Variants in APBA1 observed in about 807,000 individuals in gnomAD.
APBA1 encodes the protein amyloid-beta A4 precursor protein-binding family A member 1.
APBA1 carries 55 observed loss-of-function variants against 86.6 expected under a neutral mutation model. The ratio of observed to expected loss-of-function variants is 0.64; its 90% CI spans 0.51 to 0.80. APBA1 has a LOEUF of 0.80. Among genes scored for constraint, APBA1 ranks in the 30% least tolerant of loss-of-function variants. The probability of loss-of-function intolerance (pLI) is 0.00; values close to 1 mark genes in which losing one functional copy is unlikely to be tolerated. For synonymous variants in APBA1, 511 were observed against 493.9 expected (o/e 1.03, Z -0.46); for missense variants, 1,090 against 1,183.0 (o/e 0.92, Z 1.15).
At chr9:69,461,847 T>C (rs1044827787) in intron 5 of APBA1, 2 of 152,174 alleles carry the variant, frequency 1.3e-5, no homozygotes, top group African/African-American at 2.4e-5. Context: ...CTCTACCCCA[T>C]CCATTTTGAG....
chr9:69,550,746 C>T (rs1171803929), intron 1 of APBA1, among the ~76,000 whole-genome samples: 1 of 152,082 alleles, frequency 6.6e-6, no homozygotes, highest in Non-Finnish European at 1.5e-5. Context: ...GGTGAAGATA[C>T]AGGAGATGGG....
rs1052834234 is a variant in APBA1 at position 69,619,055 on chromosome 9, T to C, written c.-70+53098A>G. On this transcript the variant is annotated intron_variant, in intron 1 of 12. Coordinates refer to ENST00000265381, the MANE Select transcript of APBA1 (RefSeq NM_001163.4). ...CTAACATATTTTGGTTCTTTTCATT[T>C]AAGGGGGTTCTAAGTAGCATTGTGG... 3.3e-5 allele frequency among the ~76,000 whole-genome samples: 5 copies of C among 152,282 alleles called. No homozygotes were observed. In the East Asian group the frequency reaches 5.8e-4, roughly 18 times the overall value.
Position 69,613,949 on chromosome 9 carries a change from AT to A in APBA1, c.-70+58203del, listed in dbSNP as rs61540048. 9.9e-3 allele frequency among the ~76,000 whole-genome samples: 1,498 copies of A among 151,438 alleles called. 24 individuals are homozygous for A. Among genetic ancestry groups the A allele is most frequent in the African/African-American group, 0.034 (1,405 of 41,304 alleles). ...AGGAGAAGCAATCACATTGCAAAATATTTTTTTTTACCTTTTTGTTAACTGA... is the reference window on the plus strand; with the variant it reads ...AGGAGAAGCAATCACATTGCAAAATATTTTTTTTACCTTTTTGTTAACTGA... On this transcript the variant is annotated intron_variant, in intron 1 of 12. Transcript: ENST00000265381.
intron 2 of APBA1, among the ~76,000 whole-genome samples, chr9:69,489,389 T>A (rs149436960): frequency 6.6e-6 from 1 of 152,140 alleles, no homozygotes; most frequent in African/African-American, 2.4e-5. Context: ...AAGGATTCCC[T>A]ATTTAATAAA....
At chr9:69,546,550 T>C (rs1259287181) in intron 1 of APBA1, among the ~76,000 whole-genome samples, 1 of 152,226 alleles carries the variant, frequency 6.6e-6, no homozygotes, top group Admixed American at 6.5e-5. Flanking sequence ...GAGGTCTTTC[T>C]ATAGGTGTGA....
At chr9:69,431,539 G>A in intron 12 of APBA1, 141 bp from the exon 13 acceptor site, 2 of 671,378 alleles carry the variant, frequency 3.0e-6, no homozygotes, top group Non-Finnish European at 2.5e-6. Flanking sequence ...CACCACCAGG[G>A]ACCTGACCCA....
intron 1 of APBA1, among the ~76,000 whole-genome samples, chr9:69,600,255 G>A (rs117343955): frequency 0.052 from 7,945 of 152,258 alleles, 371 homozygotes; most frequent in Admixed American, 0.088. Context: ...TGGTGATGGC[G>A]ATTCTGCAGA....
At chr9:69,644,967 T>C (rs1588409786) in intron 1 of APBA1, among the ~76,000 whole-genome samples, 1 of 149,942 alleles carries the variant, frequency 6.7e-6, no homozygotes, top group East Asian at 2.0e-4. Flanking sequence ...AAAAACATGG[T>C]GGGAAGAATC....
At chr9:69,595,253 TAC>T (rs1176259442) in intron 1 of APBA1, among the ~76,000 whole-genome samples, 2 of 152,104 alleles carry the variant, frequency 1.3e-5, no homozygotes, top group African/African-American at 4.8e-5. Flanking sequence ...GTCAAAGAAA[TAC>T]CTGATATTTA....
At chr9:69,524,749 C>T (rs1253097937) in intron 1 of APBA1, among the ~76,000 whole-genome samples, 1 of 152,034 alleles carries the variant, frequency 6.6e-6, no homozygotes, top group African/African-American at 2.4e-5. Flanking sequence ...AGCCATTATC[C>T]TGATACCAAA....
At chr9:69,606,636 C>T (rs1417376183) in intron 1 of APBA1, among the ~76,000 whole-genome samples, 4 of 151,826 alleles carry the variant, frequency 2.6e-5, no homozygotes, top group African/African-American at 7.2e-5. Context: ...GGACTACAGG[C>T]GCCCACCACC....
intron 1 of APBA1, among the ~76,000 whole-genome samples, chr9:69,550,669 G>A (rs11139294): frequency 0.37 from 56,025 of 152,148 alleles, 12,009 homozygotes; most frequent in Non-Finnish European, 0.47. Context: ...ACCCTGAGGA[G>A]TTTACAATAG....
chr9:69,487,790 C>A (rs1198526762), intron 2 of APBA1, among the ~76,000 whole-genome samples: 2 of 152,006 alleles, frequency 1.3e-5, no homozygotes, highest in Non-Finnish European at 2.9e-5. Flanking sequence ...GACTTCCCAG[C>A]CTCCAGAATT....
intron 1 of APBA1, among the ~76,000 whole-genome samples, chr9:69,644,940 CAG>C (rs898511196): frequency 6.6e-6 from 1 of 151,786 alleles, no homozygotes; most frequent in Non-Finnish European, 1.5e-5. Flanking sequence ...GCTCTGGAAA[CAG>C]AGACTGCTGC....
chr9:69,536,983 GA>G (rs972919541), intron 1 of APBA1, among the ~76,000 whole-genome samples: 4 of 149,294 alleles, frequency 2.7e-5, no homozygotes, highest in Non-Finnish European at 4.5e-5. Flanking sequence ...GAATCTAAAA[GA>G]AAAAAAGGCA....
At chr9:69,474,934 T>C (rs1835418890) in intron 3 of APBA1, among the ~76,000 whole-genome samples, 1 of 152,134 alleles carries the variant, frequency 6.6e-6, no homozygotes, top group South Asian at 2.1e-4. Flanking sequence ...ATCAGCAAAA[T>C]GAGGGAAAAG....
At chr9:69,597,208 C>T (rs560074194) in intron 1 of APBA1, among the ~76,000 whole-genome samples, 49 of 152,334 alleles carry the variant, frequency 3.2e-4, no homozygotes, top group African/African-American at 1.1e-3. Context: ...GATTGCCATT[C>T]TAACTGGTGT....
chr9:69,658,252 CTT>C (rs1315750663), intron 1 of APBA1, among the ~76,000 whole-genome samples: 8 of 22,918 alleles, frequency 3.5e-4, no homozygotes, highest in African/African-American at 5.1e-4. Context: ...TTCTTTCTTT[CTT>C]TCTTTCTTTC....
At chr9:69,540,177 T>C (rs12238067) in intron 1 of APBA1, among the ~76,000 whole-genome samples, 11,350 of 146,230 alleles carry the variant, frequency 0.078, 643 homozygotes, top group East Asian at 0.28. Context: ...TTATAAGACA[T>C]GCTCCCTGAC....
Sources: allele counts gnomAD v4.1 joint callset (sites outside exome capture counted in the v4.1 genomes callset), GRCh38; gene constraint gnomAD v4.1.1; transcripts MANE v1.5; gene names NCBI Gene and HGNC (gene_info 2026-07-23, HGNC 2026-07-21).